KCNA4: variants seen among roughly 807,000 people sequenced by gnomAD.
KCNA4 encodes the protein cardiac potassium channel.
A neutral mutation model predicts 37.2 loss-of-function variants in KCNA4; 5 were observed. The ratio of observed to expected loss-of-function variants is 0.13; its 90% CI spans 0.07 to 0.28. The LOEUF (loss-of-function observed/expected upper bound fraction) is 0.28. Ranked by LOEUF, KCNA4 falls within the 10% of genes least tolerant of loss-of-function variation. The pLI is 1.00. For missense variants in KCNA4, 634 were observed against 817.4 expected (o/e 0.78, Z 2.74); for synonymous variants, 350 against 311.8 (o/e 1.12, Z -1.29).
In KCNA4 at chr11:30,011,763, C is replaced by A; in HGVS notation, c.916G>T (p.Ala306Ser). 6.2e-7 allele frequency: 1 copy of A among 1,614,044 alleles called. No individual in the cohort carries two copies. The highest frequency in any genetic ancestry group is 8.5e-7 in the Non-Finnish European group (1 of 1,180,020). Residue 306 changes from alanine (A) to serine (S), a missense_variant, in exon 2 of 2, where the codon GCA becomes TCA. Physicochemically the swap from Ala to Ser is moderately conservative, Grantham distance 99 (BLOSUM62 1). Transcript: ENST00000328224. The surrounding 1 kb of genome is among the most constrained non-coding windows in gnomAD (Gnocchi z 5.6). ...LFEYPESSSP[A>S]RGIAIVSVLV... is the part of the protein sequence containing the mutation. ...ACGGACACAATGGCTATGCCCCTTG[C>A]AGGACTGGAGCTCTCTGGATATTCA...
rs1850301452 is a variant in KCNA4 at position 30,011,374 on chromosome 11, C to T, written c.1305G>A (p.Gln435=). Residue 435 remains glutamine, a synonymous_variant, in exon 2 of 2, where the codon CAG becomes CAA. Transcript: ENST00000328224. The surrounding 1 kb of genome is among the most constrained non-coding windows in gnomAD (Gnocchi z 5.6). ...QQQGGGNGQQ[Q]QAMSFAILRI... is the part of the protein sequence containing the mutation. ...TGAGGATGGCAAAGGACATGGCCTG[C>T]TGCTGCTGACCATTGCCACCCCCCT... 8 of 1,614,134 alleles carry T rather than the reference C, an allele frequency of 5.0e-6. No individual in the cohort carries two copies. The highest frequency in any genetic ancestry group is 5.9e-6 in the Non-Finnish European group (7 of 1,180,026).
rs1416096469 is a variant in KCNA4, at chr11:30,012,550, A to C, written c.129T>G (p.Ala43=). Residue 43 remains alanine (A), a synonymous_variant, in exon 2 of 2, where the codon GCT becomes GCG. Coordinates refer to ENST00000328224, the MANE Select transcript of KCNA4 (RefSeq NM_002233.4). The part of the protein sequence containing the change: ...LAHSRAAAAA[A]VAAATAAVEG... ...CGACAGCAGCTGTGGCCGCTGCAAC[A>C]GCAGCTGCTGCAGCTGCCCTGGAGT... 1.2e-6 allele frequency: 2 copies of C among 1,607,568 alleles called. No individual in the cohort carries two copies. Among genetic ancestry groups the C allele is most frequent in the African/African-American group, 1.3e-5 (1 of 74,902 alleles).
At position 30,012,245 on chromosome 11, in the gene KCNA4, T is replaced by C. The variant is rs749934053; in HGVS notation, c.434A>G (p.Asp145Gly). 6.2e-7 allele frequency: 1 copy of C among 1,614,106 alleles called. No individual in the cohort carries two copies. Among genetic ancestry groups the C allele is most frequent in the Non-Finnish European group, 8.5e-7 (1 of 1,180,024 alleles). ...EEEGRFYYSE[D>G]DHGDECSYTD... ...GTAGGAACACTCATCACCATGGTCA[T>C]CTTCACTATAGTAAAACCTTCCCTC... Residue 145 changes from aspartate (D) to glycine (G), a missense_variant, in exon 2 of 2, where the codon GAT (aspartate) becomes GGT (glycine). Physicochemically the swap from Asp to Gly is moderately conservative, Grantham distance 94 (BLOSUM62 -1). This residue lies in a region of KCNA4 where 236 missense variants were observed against 229.5 expected (regional missense o/e 1.03). Transcript: ENST00000328224.
Position 30,012,623 on chromosome 11 carries a change from T to C in KCNA4, c.56A>G (p.Tyr19Cys). ...ESSGCNSHMP[Y>C]GYAAQARARE... Reference sequence around the variant, plus strand: ...GGCCCGGGCCTGGGCAGCATAACCATAAGGCATGTGACTGTTGCACCCTGA... The same window carrying C: ...GGCCCGGGCCTGGGCAGCATAACCACAAGGCATGTGACTGTTGCACCCTGA... Residue 19 changes from tyrosine (Y) to cysteine (C), a missense_variant, in exon 2 of 2, where the codon TAT becomes TGT. Tyr to Cys is a radical substitution (Grantham distance 194). Coordinates refer to ENST00000328224, the MANE Select transcript of KCNA4 (RefSeq NM_002233.4). The C allele has an allele frequency of 6.2e-7, 1 of 1,603,860 alleles. No individual in the cohort carries two copies. Among genetic ancestry groups the C allele is most frequent in the African/African-American group, 1.3e-5 (1 of 74,780 alleles).
rs60942363 is a variant in KCNA4, at chr11:30,012,526, G to T, written c.153C>A (p.Val51=). Residue 51 remains valine, a synonymous_variant, in exon 2 of 2, where the codon GTC becomes GTA. Coordinates refer to ENST00000328224, the MANE Select transcript of KCNA4 (RefSeq NM_002233.4). ...CCCCACCAGAACCCCCGCTACCTTCGACAGCAGCTGTGGCCGCTGCAACAG... is the reference window on the plus strand; with the variant it reads ...CCCCACCAGAACCCCCGCTACCTTCTACAGCAGCTGTGGCCGCTGCAACAG... The part of the protein sequence containing the change: ...AAAVAAATAA[V]EGSGGSGGGS... 1 of 1,608,650 alleles carries T rather than the reference G, an allele frequency of 6.2e-7. No individual in the cohort carries two copies. The highest frequency in any genetic ancestry group is 2.2e-5 in the East Asian group (1 of 44,810).
chr11:30,012,234 C>T lies in KCNA4; in HGVS notation c.445G>A (p.Asp149Asn), dbSNP rs1276842018. ...RFYYSEDDHG[D>N]ECSYTDLLPQ... The stretch of plus-strand genomic sequence containing the variant: ...AGCAGATCCGTGTAGGAACACTCAT[C>T]ACCATGGTCATCTTCACTATAGTAA... Residue 149 changes from aspartate (D) to asparagine (N), a missense_variant, in exon 2 of 2, where the codon GAT becomes AAT. Physicochemically the swap from Asp to Asn is conservative, Grantham distance 23. This residue lies in a region of KCNA4 where 236 missense variants were observed against 229.5 expected (regional missense o/e 1.03). Coordinates refer to ENST00000328224, the MANE Select transcript of KCNA4 (RefSeq NM_002233.4). The T allele has an allele frequency of 1.2e-6, 2 of 1,614,038 alleles. No homozygotes were observed. The highest frequency in any genetic ancestry group is 1.7e-6 in the Non-Finnish European group (2 of 1,180,050).
In KCNA4 at chr11:30,012,596, C is replaced by T; in HGVS notation, c.83G>A (p.Arg28Gln). The change falls in exon 2 of 2, where the codon CGG becomes CAG. Residue 28 changes from arginine to glutamine, a missense_variant. By Grantham distance (43) the Arg-to-Gln change is conservative. Coordinates refer to ENST00000328224, the MANE Select transcript of KCNA4 (RefSeq NM_002233.4). ...GGAGTGAGCAAGCCTCTCCCGCTCC[C>T]GGGCCCGGGCCTGGGCAGCATAACC... Reference protein sequence around the residue: ...PYGYAAQARARERERLAHSRA... With the variant: ...PYGYAAQARAQERERLAHSRA... The T allele has an allele frequency of 6.2e-7, 1 of 1,607,788 alleles. No individual in the cohort carries two copies. The highest frequency in any genetic ancestry group is 8.5e-7 in the Non-Finnish European group (1 of 1,179,494).
chr11:30,012,692 G>C lies in KCNA4; in HGVS notation c.-14C>G. On this transcript the variant is annotated 5_prime_UTR_variant, in exon 2 of 2. Transcript: ENST00000328224. Reference sequence around the variant, plus strand: ...TGCAACCTCCATGGTGGTGGTTTTCGGAAATGGCTGGTTCCAGTTGTAGAA... The same window carrying C: ...TGCAACCTCCATGGTGGTGGTTTTCCGAAATGGCTGGTTCCAGTTGTAGAA... The C allele has an allele frequency of 4.6e-6, 7 of 1,519,246 alleles. No individual in the cohort carries two copies. The highest frequency in any genetic ancestry group is 6.2e-6 in the Non-Finnish European group (7 of 1,133,324). The allele number at this position is 1,519,246 out of a possible 1,614,324, so 94.1% of individuals were successfully genotyped here.
Position 30,010,679 on chromosome 11 carries a change from A to G in KCNA4, c.*38T>C, listed in dbSNP as rs1850294435. ...ACTCTCTATGCATAAATATATTTGG[A>G]GATGCTGAGGGGGGAGCAGTGGCAG... On this transcript the variant is annotated 3_prime_UTR_variant, in exon 2 of 2. Transcript: ENST00000328224. The G allele has an allele frequency of 1.9e-6, 3 of 1,552,918 alleles. No individual in the cohort carries two copies. Among genetic ancestry groups the G allele is most frequent in the Non-Finnish European group, 1.7e-6 (2 of 1,154,588 alleles).
At chr11:30,016,236 T>C (rs959385952) in intron 1 of KCNA4, 1 of 152,002 alleles carries the variant, frequency 6.6e-6, no homozygotes, top group Middle Eastern at 3.4e-3. Flanking sequence ...GAAACGATGC[T>C]AAATCTTAAC....
At position 30,012,425 on chromosome 11, in the gene KCNA4, C is replaced by T; in HGVS notation, c.254G>A (p.Arg85Lys). 6.2e-7 allele frequency: 1 copy of T among 1,613,784 alleles called. No individual in the cohort carries two copies. Among genetic ancestry groups the T allele is most frequent in the South Asian group, 1.1e-5 (1 of 91,080 alleles). Reference sequence around the variant, plus strand: ...CTTCTTCTCAGACCGCTGTCGCCTCCTCCTCCGACTACCCCGGCTGCTCTG... The same window carrying T: ...CTTCTTCTCAGACCGCTGTCGCCTCTTCCTCCGACTACCCCGGCTGCTCTG... ...DPQSSRGSRRRRRQRSEKKKA... is the reference protein window; with the variant it reads ...DPQSSRGSRRKRRQRSEKKKA... The change falls in exon 2 of 2, where the codon AGG (arginine) becomes AAG (lysine). Residue 85 changes from arginine (R) to lysine (K), a missense_variant. This residue lies in a region of KCNA4 where 236 missense variants were observed against 229.5 expected (regional missense o/e 1.03). Coordinates refer to ENST00000328224, the MANE Select transcript of KCNA4 (RefSeq NM_002233.4).
Position 30,012,603 on chromosome 11 carries a change from G to A in KCNA4, c.76C>T (p.Arg26Trp), listed in dbSNP as rs1202016357. 9 of 1,607,532 alleles carry A rather than the reference G, an allele frequency of 5.6e-6. No individual in the cohort carries two copies. In the Admixed American group the frequency reaches 1.3e-4, roughly 24 times the overall value. ...HMPYGYAAQA[R>W]ARERERLAHS... The stretch of plus-strand genomic sequence containing the variant: ...GCAAGCCTCTCCCGCTCCCGGGCCC[G>A]GGCCTGGGCAGCATAACCATAAGGC... Residue 26 changes from arginine to tryptophan, a missense_variant, in exon 2 of 2, where the codon CGG becomes TGG. Coordinates refer to ENST00000328224, the MANE Select transcript of KCNA4 (RefSeq NM_002233.4).
chr11:30,013,823 C>A lies in KCNA4; in HGVS notation c.-782-363G>T, dbSNP rs562856142. On this transcript the variant is annotated intron_variant, in intron 1 of 1. Transcript: ENST00000328224. Reference sequence around the variant, plus strand: ...AAAAAATAATGCTGTGACTTTACAGCTGCTTCCATCATTCATCTATTTCAA... The same window carrying A: ...AAAAAATAATGCTGTGACTTTACAGATGCTTCCATCATTCATCTATTTCAA... Among the ~76,000 whole-genome samples the A allele has an allele frequency of 2.6e-5, 4 of 152,342 alleles. No homozygotes were observed. In the East Asian group the frequency reaches 7.7e-4, roughly 29 times the overall value.
rs1320966017 is a variant in KCNA4 at position 30,012,385 on chromosome 11, C to A, written c.294G>T (p.Arg98=). 1 of 1,614,150 alleles carries A rather than the reference C, an allele frequency of 6.2e-7. No individual in the cohort carries two copies. Residue 98 remains arginine (R), a synonymous_variant, in exon 2 of 2, where the codon CGG becomes CGT. Transcript: ENST00000328224. ...QRSEKKKAHY[R]QSSFPHCSDL... The stretch of plus-strand genomic sequence containing the variant: ...CAGAGCAATGAGGGAAGCTGCTCTG[C>A]CGGTAGTGGGCTTTCTTCTTCTCAG...
chr11:30,012,693 G>A lies in KCNA4; in HGVS notation c.-15C>T, dbSNP rs1850318695. The A allele has an allele frequency of 6.6e-7, 1 of 1,519,948 alleles. No individual in the cohort carries two copies. The highest frequency in any genetic ancestry group is 8.8e-7 in the Non-Finnish European group (1 of 1,133,666). 94.2% of individuals were successfully genotyped at this position (1,519,948 alleles called of 1,614,324 possible). A position where few individuals can be genotyped will look rare whatever the true frequency, so the allele number is the denominator to read the frequency against. ...GCAACCTCCATGGTGGTGGTTTTCG[G>A]AAATGGCTGGTTCCAGTTGTAGAAG... On this transcript the variant is annotated 5_prime_UTR_variant, in exon 2 of 2. Coordinates refer to ENST00000328224, the MANE Select transcript of KCNA4 (RefSeq NM_002233.4).
Position 30,009,787 on chromosome 11 carries a change from T to C in KCNA4, c.*930A>G, listed in dbSNP as rs1409791608. On this transcript the variant is annotated 3_prime_UTR_variant, in exon 2 of 2. Coordinates refer to ENST00000328224, the MANE Select transcript of KCNA4 (RefSeq NM_002233.4). ...ATAATTCCTTTGTCAATCAGTTATTTAGATTTTAAAAGAGGAGAGAATCCT... is the reference window on the plus strand; with the variant it reads ...ATAATTCCTTTGTCAATCAGTTATTCAGATTTTAAAAGAGGAGAGAATCCT... 1 of 152,186 alleles carries C rather than the reference T, an allele frequency of 6.6e-6. No individual in the cohort carries two copies. The highest frequency in any genetic ancestry group is 1.5e-5 in the Non-Finnish European group (1 of 68,008). The allele number at this position is 152,186 out of a possible 1,614,324, so 9.4% of individuals were successfully genotyped here.
At position 30,010,056 on chromosome 11, in the gene KCNA4, T is replaced by C. The variant is rs1564935292; in HGVS notation, c.*661A>G. ...TCACTTATTCTATAATGTTAGACAT[T>C]TGCTGTTAAGTCTTCCCAAAATTAA... On this transcript the variant is annotated 3_prime_UTR_variant, in exon 2 of 2. Coordinates refer to ENST00000328224, the MANE Select transcript of KCNA4 (RefSeq NM_002233.4). The C allele has an allele frequency of 6.6e-6, 1 of 152,206 alleles. No individual in the cohort carries two copies. The highest frequency in any genetic ancestry group is 1.5e-5 in the Non-Finnish European group (1 of 68,020). 9.4% of individuals were successfully genotyped at this position (152,206 alleles called of 1,614,324 possible).
rs1437873091 is a variant in KCNA4, at chr11:30,012,869, C to A, written c.-191G>T. ...CAGCACGCCCCATGCTCTCTCTTCT[C>A]AGGGATTCAACATTGCTCTCCAGAG... On this transcript the variant is annotated 5_prime_UTR_variant, in exon 2 of 2. The change abolishes the stop of an existing upstream ORF in the 5' untranslated region. Coordinates refer to ENST00000328224, the MANE Select transcript of KCNA4 (RefSeq NM_002233.4). 2 of 750,460 alleles carry A rather than the reference C, an allele frequency of 2.7e-6. No homozygotes were observed. The highest frequency in any genetic ancestry group is 4.0e-6 in the Non-Finnish European group (2 of 501,624). 46.5% of individuals were successfully genotyped at this position (750,460 alleles called of 1,614,324 possible).
chr11:30,012,736 G>C lies in KCNA4; in HGVS notation c.-58C>G. ...TGTAGAAGAAGAAGAAAGAAAAATA[G>C]GGCAGCTTCTTTTCTCACCAAATTA... On this transcript the variant is annotated 5_prime_UTR_variant, in exon 2 of 2. Coordinates refer to ENST00000328224, the MANE Select transcript of KCNA4 (RefSeq NM_002233.4). 6.6e-7 allele frequency: 1 copy of C among 1,506,092 alleles called. No individual in the cohort carries two copies. The highest frequency in any genetic ancestry group is 8.9e-7 in the Non-Finnish European group (1 of 1,127,032). The allele number at this position is 1,506,092 out of a possible 1,614,324, so 93.3% of individuals were successfully genotyped here.
Sources: allele counts gnomAD v4.1 joint callset (sites outside exome capture counted in the v4.1 genomes callset), GRCh38; gene constraint gnomAD v4.1.1; regional missense constraint gnomAD v4.1.1; non-coding constraint Gnocchi (gnomAD v3.1); transcripts MANE v1.5; gene names NCBI Gene and HGNC (gene_info 2026-07-23, HGNC 2026-07-21).